CANX: variants seen among roughly 807,000 people sequenced by gnomAD.
CANX encodes the protein epididymis secretory sperm binding protein.
Under a neutral mutation model 75.7 loss-of-function variants are expected in CANX, and 14 were observed. That is an observed-to-expected ratio of 0.19 (90% CI 0.12 to 0.29). The LOEUF (loss-of-function observed/expected upper bound fraction) is 0.29, where lower values mean the gene tolerates loss of function less well. Among genes scored for constraint, CANX ranks in the 10% least tolerant of loss-of-function variants. The probability of loss-of-function intolerance (pLI) is 1.00; values close to 1 mark genes in which losing one functional copy is unlikely to be tolerated. For synonymous variants in CANX, 227 were observed against 236.9 expected (o/e 0.96, Z 0.38); for missense variants, 567 against 713.2 (o/e 0.79, Z 2.34).
At chr5:179,705,077 C>T (rs1293306351) in intron 1 of CANX, among the ~76,000 whole-genome samples, 2 of 152,082 alleles carry the variant, frequency 1.3e-5, no homozygotes, top group African/African-American at 2.4e-5. Context: ...CCTCCACCTC[C>T]TGGGTTCAAG....
chr5:179,689,893 C>G (rs1314241968), intron 1 of CANX, among the ~76,000 whole-genome samples: 2 of 152,126 alleles, frequency 1.3e-5, no homozygotes, highest in Admixed American at 1.3e-4. Context: ...AAAATGGCTC[C>G]TGGTTCCTTT....
At chr5:179,714,627 C>T (rs986963863) in intron 7 of CANX, among the ~76,000 whole-genome samples, 1 of 152,060 alleles carries the variant, frequency 6.6e-6, no homozygotes, top group African/African-American at 2.4e-5. Context: ...ACGCCATTCT[C>T]CTGCCTCAGC....
intron 1 of CANX, among the ~76,000 whole-genome samples, chr5:179,699,401 C>T (rs866242191): frequency 1.3e-5 from 2 of 152,292 alleles, no homozygotes; most frequent in Middle Eastern, 3.4e-3. Context: ...CTAGGGCTTT[C>T]TTAGGCCTCT....
chr5:179,709,314 T>C (rs1441292411), intron 6 of CANX, among the ~76,000 whole-genome samples: 1 of 151,540 alleles, frequency 6.6e-6, no homozygotes, highest in East Asian at 1.9e-4. Context: ...CTTGGGAGGC[T>C]GAGGCAGGAG....
At chr5:179,687,064 A>G (rs1219959390) in intron 1 of CANX, among the ~76,000 whole-genome samples, 1 of 152,100 alleles carries the variant, frequency 6.6e-6, no homozygotes, top group African/African-American at 2.4e-5. Flanking sequence ...GGCATGAGCC[A>G]CTGCACCCGG....
Position 179,682,532 on chromosome 5 carries a change from G to A in CANX, c.-4+3755G>A, listed in dbSNP as rs536955538. ...TTGAGACCAGCGTGACCAACATGGA[G>A]AAACACCATCTCTTCTCAAAATACA... On this transcript the variant is annotated intron_variant, in intron 1 of 14. Transcript: ENST00000681674. 1.4e-4 allele frequency among the ~76,000 whole-genome samples: 21 copies of A among 152,050 alleles called. No individual in the cohort carries two copies. In the South Asian group the frequency reaches 4.4e-3, roughly 32 times the overall value.
chr5:179,721,094 T>C (rs1412516259), intron 10 of CANX, among the ~76,000 whole-genome samples: 1 of 152,022 alleles, frequency 6.6e-6, no homozygotes, highest in African/African-American at 2.4e-5. Flanking sequence ...CTTTCTTTTT[T>C]TGAGACTGAG....
Position 179,710,061 on chromosome 5 carries a change from A to G in CANX, c.717A>G (p.Thr239=), listed in dbSNP as rs374732152. Residue 239 remains threonine (T), a synonymous_variant, in exon 7 of 15, where the codon ACA becomes ACG. Transcript: ENST00000247461. The part of the protein sequence containing the change: ...YFTDKKTHLY[T]LILNPDNSFE... ...CTGATAAGAAAACACATCTTTACAC[A>G]CTAAGTAAGAAAAAGCATTAGTTTG... The G allele has an allele frequency of 1.1e-5, 17 of 1,557,324 alleles. No homozygotes were observed. The African/African-American group carries it at 2.3e-4, about 21-fold the overall frequency.
chr5:179,708,087 C>T (rs1562476596), intron 4 of CANX, 152 bp from the exon 5 acceptor site: 1 of 575,066 alleles, frequency 1.7e-6, no homozygotes, highest in East Asian at 2.8e-5. Context: ...TCCGCCTGCC[C>T]TCAGCCTCCC....
chr5:179,716,123 G>A lies in CANX; in HGVS notation c.740G>A (p.Ser247Asn). 2 of 1,609,874 alleles carry A rather than the reference G, an allele frequency of 1.2e-6. No individual in the cohort carries two copies. Among genetic ancestry groups the A allele is most frequent in the Non-Finnish European group, 1.7e-6 (2 of 1,176,372 alleles). The stretch of plus-strand genomic sequence containing the variant: ...CTTTCAGTCTTGAATCCAGATAATA[G>A]TTTTGAAATACTGGTTGACCAATCT... The part of the protein sequence containing the change: ...LYTLILNPDN[S>N]FEILVDQSVV... The change falls in exon 8 of 15, where the codon AGT (serine) becomes AAT (asparagine). Residue 247 changes from serine (S) to asparagine (N), a missense_variant. Physicochemically the swap from Ser to Asn is conservative, Grantham distance 46 (BLOSUM62 1). This residue lies in a region of CANX where 351 missense variants were observed against 433.8 expected (regional missense o/e 0.81). Coordinates refer to ENST00000247461, the MANE Select transcript of CANX (RefSeq NM_001746.4).
chr5:179,684,919 A>AT (rs1562433057), intron 1 of CANX, among the ~76,000 whole-genome samples: 1 of 95,228 alleles, frequency 1.1e-5, no homozygotes, highest in African/African-American at 4.3e-5. Flanking sequence ...CACCTGGCTA[A>AT]TTTTGTATTT....
rs1309040594 is a variant in CANX, at chr5:179,728,822, C to G, written c.*178C>G. On this transcript the variant is annotated 3_prime_UTR_variant, in exon 15 of 15. Coordinates refer to ENST00000247461, the MANE Select transcript of CANX (RefSeq NM_001746.4). The stretch of plus-strand genomic sequence containing the variant: ...TTAAACATCTAGCAGTAAATACTTG[C>G]AGTTGTGATATAAAGGACCCTGTTT... The G allele has an allele frequency of 1.9e-5, 13 of 695,410 alleles. No homozygotes were observed. In the East Asian group the frequency reaches 3.4e-4, roughly 18 times the overall value. 43.1% of individuals were successfully genotyped at this position (695,410 alleles called of 1,614,324 possible).
At chr5:179,688,299 T>G (rs1319668816) in intron 1 of CANX, among the ~76,000 whole-genome samples, 1 of 150,374 alleles carries the variant, frequency 6.7e-6, no homozygotes, top group African/African-American at 2.4e-5. Context: ...AGGATCCGCC[T>G]GGCTTAGCCT....
At chr5:179,727,462 G>A (rs2113291900) in intron 14 of CANX, among the ~76,000 whole-genome samples, 1 of 152,332 alleles carries the variant, frequency 6.6e-6, no homozygotes, top group Middle Eastern at 3.4e-3. Flanking sequence ...ATGTAAGTGG[G>A]AAGAGCATTC....
rs750129275 is a variant in CANX, at chr5:179,705,715, G to C, written c.34G>C (p.Val12Leu). The C allele has an allele frequency of 3.1e-6, 5 of 1,613,102 alleles. No homozygotes were observed. The South Asian group carries it at 5.5e-5, about 18-fold the overall frequency. Residue 12 changes from valine to leucine, a missense_variant, in exon 2 of 15, where the codon GTG (valine) becomes CTG (leucine). By Grantham distance (32) the Val-to-Leu change is conservative (BLOSUM62 1). Around this residue, in one of 3 missense-constraint regions of CANX, gnomAD observed 351 missense variants for 433.8 expected, o/e 0.81. Transcript: ENST00000247461. ...EGKWLLCMLLVLGTAIVEAHD... is the reference protein window; with the variant it reads ...EGKWLLCMLLLLGTAIVEAHD... The stretch of plus-strand genomic sequence containing the variant: ...GAAGTGGTTGCTGTGTATGTTACTG[G>C]TGCTTGGAACTGCTATTGTTGAGGC...
intron 13 of CANX, among the ~76,000 whole-genome samples, chr5:179,726,242 ATGCCAT>A (rs1432817373): frequency 1.3e-5 from 2 of 151,082 alleles, no homozygotes; most frequent in African/African-American, 4.9e-5. Flanking sequence ...AGCCGAGATC[ATGCCAT>A]TGCACTCCAA....
chr5:179,708,079 C>CGCCT, intron 4 of CANX, among the ~76,000 whole-genome samples, 160 bp from the exon 5 acceptor site: 1 of 152,186 alleles, frequency 6.6e-6, no homozygotes, highest in East Asian at 1.9e-4. Flanking sequence ...TTGAGTGATC[C>CGCCT]GCCTGCCCTC....
chr5:179,681,288 A>G (rs1328839856), intron 1 of CANX, among the ~76,000 whole-genome samples: 1 of 152,176 alleles, frequency 6.6e-6, no homozygotes, highest in Non-Finnish European at 1.5e-5. Flanking sequence ...TCATAAGCAG[A>G]GTCCAAGACA....
chr5:179,723,744 G>A lies in CANX; in HGVS notation c.1483G>A (p.Val495Met). ...VVYILTVALP[V>M]FLVILFCCSG... is the part of the protein sequence containing the mutation. Reference sequence around the variant, plus strand: ...CTATATTCTAACTGTAGCCCTTCCTGTGTTCCTGGTTATCCTCTTCTGCTG... The same window carrying A: ...CTATATTCTAACTGTAGCCCTTCCTATGTTCCTGGTTATCCTCTTCTGCTG... The change falls in exon 12 of 15, where the codon GTG becomes ATG. Residue 495 changes from valine to methionine, a missense_variant. Val to Met is a conservative substitution (Grantham distance 21). This residue lies in a region of CANX where 167 missense variants were observed against 179.3 expected (regional missense o/e 0.93). Transcript: ENST00000247461. 1 of 1,613,310 alleles carries A rather than the reference G, an allele frequency of 6.2e-7. No homozygotes were observed. The highest frequency in any genetic ancestry group is 8.5e-7 in the Non-Finnish European group (1 of 1,179,632).
Sources: allele counts gnomAD v4.1 joint callset (sites outside exome capture counted in the v4.1 genomes callset), GRCh38; gene constraint gnomAD v4.1.1; regional missense constraint gnomAD v4.1.1; transcripts MANE v1.5; gene names NCBI Gene and HGNC (gene_info 2026-07-23, HGNC 2026-07-21).